Variants in SNX30 observed in about 807,000 individuals in gnomAD.
SNX30 encodes the protein sorting nexin-30.
In SNX30, 24 loss-of-function variants were observed where a neutral mutation model predicts 46.4. The observed-to-expected ratio is 0.52, with a 90% CI of 0.37 to 0.73. SNX30 has a LOEUF of 0.73. Among genes scored for constraint, SNX30 ranks in the 30% least tolerant of loss-of-function variants. SNX30 has a pLI of 0.00. For missense variants in SNX30, 533 were observed against 555.7 expected, an observed-to-expected ratio of 0.96 and a Z score of 0.41; for synonymous variants, 189 against 211.5, an observed-to-expected ratio of 0.89 and a Z score of 0.92.
At position 112,804,881 on chromosome 9, in the gene SNX30, A is replaced by G; in HGVS notation, c.262A>G (p.Thr88Ala). The change falls in exon 2 of 9, where the codon ACT becomes GCT. Residue 88 changes from threonine (T) to alanine (A), a missense_variant. Around this residue, in one of 3 missense-constraint regions of SNX30, gnomAD observed 191 missense variants for 160.3 expected, o/e 1.19. Coordinates refer to ENST00000374232, the MANE Select transcript of SNX30 (RefSeq NM_001012994.2). Reference sequence around the variant, plus strand: ...GCTTGATGATGATATTGATGGTGAGACTAGAGATCTCTTCGTTATAGTTGA... The same window carrying G: ...GCTTGATGATGATATTGATGGTGAGGCTAGAGATCTCTTCGTTATAGTTGA... ...LQLDDDIDGE[T>A]RDLFVIVDDP... is the part of the protein sequence containing the mutation. 3 of 1,613,964 alleles carry G rather than the reference A, an allele frequency of 1.9e-6. No individual in the cohort carries two copies. The highest frequency in any genetic ancestry group is 2.2e-5 in the East Asian group (1 of 44,874).
intron 7 of SNX30, among the ~76,000 whole-genome samples, chr9:112,851,281 G>A (rs1236984529): frequency 6.6e-6 from 1 of 152,180 alleles, no homozygotes; most frequent in Non-Finnish European, 1.5e-5. Context: ...TGGTTCATAG[G>A]CCCACAAACT....
At chr9:112,774,817 A>G (rs1454687330) in intron 1 of SNX30, among the ~76,000 whole-genome samples, 2 of 144,438 alleles carry the variant, frequency 1.4e-5, no homozygotes, top group South Asian at 2.2e-4. Context: ...AGTTCTATAT[A>G]TATATATGTT....
chr9:112,856,001 A>G (rs1355646887), intron 7 of SNX30, among the ~76,000 whole-genome samples: 2 of 152,182 alleles, frequency 1.3e-5, no homozygotes, highest in African/African-American at 4.8e-5. Context: ...TTCGAATGAC[A>G]GTGAGGGTAA....
chr9:112,852,315 G>C (rs1841041857), intron 7 of SNX30, among the ~76,000 whole-genome samples: 2 of 152,110 alleles, frequency 1.3e-5, no homozygotes, highest in South Asian at 4.1e-4. Context: ...CGCCCAACCT[G>C]TGTAACAATG....
At chr9:112,824,371 C>A (rs768024382) in intron 3 of SNX30, among the ~76,000 whole-genome samples, 2 of 152,044 alleles carry the variant, frequency 1.3e-5, no homozygotes, top group Non-Finnish European at 2.9e-5. Flanking sequence ...TGTGTATATT[C>A]AGTTTCTAAA....
At chr9:112,754,972 G>A (rs879214229) in intron 1 of SNX30, among the ~76,000 whole-genome samples, 1 of 152,114 alleles carries the variant, frequency 6.6e-6, no homozygotes, top group Admixed American at 6.5e-5. Flanking sequence ...AATAGAGAAG[G>A]CTTTTCCTCC....
chr9:112,770,649 G>T (rs1839633991), intron 1 of SNX30, among the ~76,000 whole-genome samples: 1 of 152,102 alleles, frequency 6.6e-6, no homozygotes, highest in African/African-American at 2.4e-5. Flanking sequence ...CAGACAGCCT[G>T]CAGGCTTGTT....
chr9:112,763,899 T>C (rs1438365115), intron 1 of SNX30, among the ~76,000 whole-genome samples: 1 of 151,676 alleles, frequency 6.6e-6, no homozygotes, highest in Non-Finnish European at 1.5e-5. Flanking sequence ...ACCTATGTAA[T>C]TTTGTTACAT....
At chr9:112,868,748 C>G in intron 8 of SNX30, 36 bp from the exon 9 acceptor site, 1 of 1,613,124 alleles carries the variant, frequency 6.2e-7, no homozygotes, top group Non-Finnish European at 8.5e-7. Context: ...ATCGGAAACT[C>G]AAAGCTGATA....
intron 2 of SNX30, among the ~76,000 whole-genome samples, chr9:112,816,753 A>C (rs1018874390): frequency 4.6e-5 from 7 of 152,178 alleles, no homozygotes; most frequent in Non-Finnish European, 1.5e-5. Flanking sequence ...GAGTAAATTT[A>C]TGAGATGTAG....
At chr9:112,816,649 G>T (rs1459417432) in intron 2 of SNX30, among the ~76,000 whole-genome samples, 1 of 152,182 alleles carries the variant, frequency 6.6e-6, no homozygotes, top group South Asian at 2.1e-4. Flanking sequence ...TGATGCTAGA[G>T]CTGTTCACAG....
intron 1 of SNX30, among the ~76,000 whole-genome samples, chr9:112,791,118 A>G (rs1324145852): frequency 6.6e-6 from 1 of 152,166 alleles, no homozygotes; most frequent in Non-Finnish European, 1.5e-5. Flanking sequence ...GTGTATATTC[A>G]CAGGGTTGTG....
chr9:112,808,424 T>G (rs912000500), intron 2 of SNX30, among the ~76,000 whole-genome samples: 1 of 152,176 alleles, frequency 6.6e-6, no homozygotes, highest in African/African-American at 2.4e-5. Context: ...AAAAGTATCT[T>G]CTCTCCCCAG....
At position 112,873,745 on chromosome 9, in the gene SNX30, G is replaced by C. The variant is rs943451346; in HGVS notation, c.*4902G>C. 3 of 152,006 alleles carry C rather than the reference G, an allele frequency of 2.0e-5. No individual in the cohort carries two copies. The highest frequency in any genetic ancestry group is 4.4e-5 in the Non-Finnish European group (3 of 68,032). 9.4% of individuals were successfully genotyped at this position (152,006 alleles called of 1,614,324 possible). A position where few individuals can be genotyped will look rare whatever the true frequency, so the allele number is the denominator to read the frequency against. ...TCACGTAGAAACAAAGAATGCTATA[G>C]ATGACAACAGTATTAAATGTTACTC... is the stretch of plus-strand genomic sequence containing the variant. On this transcript the variant is annotated 3_prime_UTR_variant, in exon 9 of 9. Transcript: ENST00000374232.
At chr9:112,833,148 T>A (rs1235325124) in intron 4 of SNX30, among the ~76,000 whole-genome samples, 1 of 152,188 alleles carries the variant, frequency 6.6e-6, no homozygotes, top group Non-Finnish European at 1.5e-5. Context: ...CTTCAGAACG[T>A]TTGCATCTTG....
intron 6 of SNX30, among the ~76,000 whole-genome samples, chr9:112,840,461 C>T (rs1273996664): frequency 2.0e-5 from 3 of 152,184 alleles, no homozygotes; most frequent in Non-Finnish European, 4.4e-5. Context: ...TTTCACTTAT[C>T]AAACTAATGG....
Position 112,871,686 on chromosome 9 carries a change from T to A in SNX30, c.*2843T>A, listed in dbSNP as rs982756872. 1 of 152,164 alleles carries A rather than the reference T, an allele frequency of 6.6e-6. No individual in the cohort carries two copies. The highest frequency in any genetic ancestry group is 1.5e-5 in the Non-Finnish European group (1 of 68,052). 9.4% of individuals were successfully genotyped at this position (152,164 alleles called of 1,614,324 possible). A position where few individuals can be genotyped will look rare whatever the true frequency, so the allele number is the denominator to read the frequency against. ...CAGGCCTGGAAAGTGGGAGATTTCA[T>A]TCGCCCGGGTTAAAAATCCAGAGGA... On this transcript the variant is annotated 3_prime_UTR_variant, in exon 9 of 9. Coordinates refer to ENST00000374232, the MANE Select transcript of SNX30 (RefSeq NM_001012994.2).
rs55784760 is a variant in SNX30 at position 112,777,600 on chromosome 9, A to ATTTTT, written c.156+26467_156+26471dup. Among the ~76,000 whole-genome samples, 44 of 75,596 alleles carry ATTTTT rather than the reference A, an allele frequency of 5.8e-4. 3 individuals are homozygous for ATTTTT. The highest frequency in any genetic ancestry group is 1.7e-3 in the African/African-American group (31 of 18,142). 49.6% of individuals were successfully genotyped at this position (75,596 alleles called of 152,430 possible). On this transcript the variant is annotated intron_variant, in intron 1 of 8. Transcript: ENST00000374232. ...TACCACCACACCCAGCTAGTTTTTA[A>ATTTTT]TTTTTTTTTTTTTTTTTTTTTTTTT...
rs1248775169 is a variant in SNX30, at chr9:112,868,769, A to T, written c.1255-15A>T. 4 of 1,613,824 alleles carry T rather than the reference A, an allele frequency of 2.5e-6. No individual in the cohort carries two copies. In the South Asian group the frequency reaches 3.3e-5, roughly 13 times the overall value. On this transcript the variant is annotated splice_polypyrimidine_tract_variant and intron_variant, in intron 8 of 8. Transcript: ENST00000374232. ...AACTCAAAGCTGATACTGTGTGTGTATGTTGTCGTTCCAGTGCCTCATGGC... is the reference window on the plus strand; with the variant it reads ...AACTCAAAGCTGATACTGTGTGTGTTTGTTGTCGTTCCAGTGCCTCATGGC...
Sources: gnomAD v4.1 joint callset for allele counts (sites outside exome capture counted in the v4.1 genomes callset) on GRCh38, gnomAD v4.1.1 for gene constraint, gnomAD v4.1.1 regional missense constraint, MANE v1.5 for transcripts, NCBI Gene and HGNC (gene_info 2026-07-23, HGNC 2026-07-21) for gene names.